Variants in ERG observed in about 807,000 individuals in gnomAD.
The protein encoded by ERG is transcriptional regulator ERG.
ERG carries 9 observed loss-of-function variants against 55.3 expected under a neutral mutation model. That is an observed-to-expected ratio of 0.16 (90% CI 0.10 to 0.28). The LOEUF (loss-of-function observed/expected upper bound fraction) is 0.28, where lower values mean the gene tolerates loss of function less well. Ranked by LOEUF, ERG falls within the 10% of genes least tolerant of loss-of-function variation. The pLI, the probability that ERG is intolerant of heterozygous loss-of-function variation, is 1.00. For missense variants in ERG, 434 were observed against 631.6 expected, an observed-to-expected ratio of 0.69 and a Z score of 3.35; for synonymous variants, 223 against 237.3, an observed-to-expected ratio of 0.94 and a Z score of 0.55.
At chr21:38,540,216 AT>A (rs1388701254) in intron 2 of ERG, among the ~76,000 whole-genome samples, 88 of 152,264 alleles carry the variant, frequency 5.8e-4, no homozygotes, top group Admixed American at 1.4e-3. Flanking sequence ...ATATTCAAAC[AT>A]ATTTGGTTTC....
At chr21:38,428,190 AC>A (rs1428596180) in intron 2 of ERG, among the ~76,000 whole-genome samples, 19 of 151,624 alleles carry the variant, frequency 1.3e-4, no homozygotes, top group African/African-American at 3.4e-4. Flanking sequence ...CAAAAAAAAA[AC>A]AAAAGAGAGA....
intron 1 of ERG, among the ~76,000 whole-genome samples, chr21:38,647,592 T>A (rs533851575): frequency 1.3e-5 from 2 of 152,112 alleles, no homozygotes; most frequent in Non-Finnish European, 1.5e-5. Context: ...AGGAGGTTGG[T>A]CATGAAAAAA....
At chr21:38,450,104 A>G (rs954004279) in intron 1 of ERG, among the ~76,000 whole-genome samples, 1 of 151,642 alleles carries the variant, frequency 6.6e-6, no homozygotes, top group East Asian at 1.9e-4. Flanking sequence ...AAAAAAAAAA[A>G]TCTTGGTTCG....
intron 1 of ERG, among the ~76,000 whole-genome samples, chr21:38,472,803 GGCAA>G (rs1451998082): frequency 6.6e-6 from 1 of 152,166 alleles, no homozygotes; most frequent in Non-Finnish European, 1.5e-5. Context: ...GCTGCACGTG[GGCAA>G]TTCGTGCGCT....
intron 2 of ERG, among the ~76,000 whole-genome samples, chr21:38,538,048 G>A (rs564990154): frequency 1.6e-4 from 25 of 152,214 alleles, no homozygotes; most frequent in South Asian, 6.2e-4. Flanking sequence ...TTTATCTTAC[G>A]CTAAGAGAAA....
intron 2 of ERG, among the ~76,000 whole-genome samples, chr21:38,555,527 G>C (rs796802049): frequency 2.6e-5 from 4 of 152,044 alleles, no homozygotes; most frequent in African/African-American, 9.6e-5. Flanking sequence ...CATAAAGGAT[G>C]TAACTTATAT....
chr21:38,656,089 T>A (rs2060517179), intron 1 of ERG, among the ~76,000 whole-genome samples: 1 of 151,388 alleles, frequency 6.6e-6, no homozygotes, highest in South Asian at 2.1e-4. Flanking sequence ...CAGGCAAGGG[T>A]CTGTGGAAGA....
At chr21:38,438,562 C>A (rs545848901) in intron 2 of ERG, among the ~76,000 whole-genome samples, 2 of 152,330 alleles carry the variant, frequency 1.3e-5, no homozygotes, top group South Asian at 4.1e-4. Context: ...ATCCTGCTAT[C>A]TGACCCGAGG....
intron 9 of ERG, among the ~76,000 whole-genome samples, chr21:38,387,133 G>A (rs1987727889): frequency 6.6e-6 from 1 of 152,218 alleles, no homozygotes; most frequent in Non-Finnish European, 1.5e-5. Context: ...TGCAGAGTGA[G>A]TCAGCAGCTG....
At chr21:38,650,191 CTT>C (rs1416897763) in intron 1 of ERG, among the ~76,000 whole-genome samples, 1 of 152,184 alleles carries the variant, frequency 6.6e-6, no homozygotes, top group Non-Finnish European at 1.5e-5. Context: ...TGAAAACAAA[CTT>C]ATCTACAAAG....
intron 1 of ERG, among the ~76,000 whole-genome samples, chr21:38,612,035 G>A (rs770549087): frequency 6.6e-6 from 1 of 152,184 alleles, no homozygotes; most frequent in Non-Finnish European, 1.5e-5. Context: ...TCTCAAGTCA[G>A]TTATATGTGC....
intron 6 of ERG, among the ~76,000 whole-genome samples, chr21:38,394,888 C>T (rs1988135848): frequency 6.6e-6 from 1 of 152,062 alleles, no homozygotes; most frequent in Admixed American, 6.6e-5. Flanking sequence ...GTAGGTTAGT[C>T]AGATACTACC....
intron 1 of ERG, among the ~76,000 whole-genome samples, chr21:38,463,180 T>C (rs2146600815): frequency 6.6e-6 from 1 of 152,350 alleles, no homozygotes; most frequent in Admixed American, 6.5e-5. Context: ...ACTTGGACAC[T>C]GAAAGGTCCT....
intron 9 of ERG, among the ~76,000 whole-genome samples, 183 bp from the exon 10 acceptor site, chr21:38,384,106 C>T (rs1253119292): frequency 6.6e-6 from 1 of 152,228 alleles, no homozygotes. Flanking sequence ...ACCCACTTCT[C>T]CAGAGAACTG....
chr21:38,404,953 C>T (rs960270961), intron 3 of ERG, among the ~76,000 whole-genome samples: 5 of 152,162 alleles, frequency 3.3e-5, no homozygotes, highest in African/African-American at 1.2e-4. Flanking sequence ...AAACAGCCAG[C>T]CAGTCATACA....
rs1987358749 is a variant in ERG, at chr21:38,380,144, TTC to T, written c.*3257_*3258del. The T allele has an allele frequency of 9.6e-7, 1 of 1,038,600 alleles. No homozygotes were observed. The highest frequency in any genetic ancestry group is 4.6e-5 in the South Asian group (1 of 21,748). The allele number at this position is 1,038,600 out of a possible 1,614,324, so 64.3% of individuals were successfully genotyped here. ...AACTAGCTTTTTAAAAAATATTTTCTTCTCTTTCTCCAGGCAATGGGTCACTT... is the reference window on the plus strand; with the variant it reads ...AACTAGCTTTTTAAAAAATATTTTCTTCTTTCTCCAGGCAATGGGTCACTT... On this transcript the variant is annotated 3_prime_UTR_variant, in exon 10 of 10. Coordinates refer to ENST00000288319, the MANE Select transcript of ERG (RefSeq NM_182918.4).
rs1017025668 is a variant in ERG at position 38,381,635 on chromosome 21, C to A, written c.*1768G>T. On this transcript the variant is annotated 3_prime_UTR_variant, in exon 10 of 10. Coordinates refer to ENST00000288319, the MANE Select transcript of ERG (RefSeq NM_182918.4). ...GCCAGTAATAATACAGTTTGCCTTACGAGTGGTAGCTTGTTCACTGTTCAA... is the reference window on the plus strand; with the variant it reads ...GCCAGTAATAATACAGTTTGCCTTAAGAGTGGTAGCTTGTTCACTGTTCAA... 2.8e-6 allele frequency: 3 copies of A among 1,062,994 alleles called. No homozygotes were observed. The highest frequency in any genetic ancestry group is 2.3e-6 in the Non-Finnish European group (2 of 877,998). The allele number at this position is 1,062,994 out of a possible 1,614,324, so 65.8% of individuals were successfully genotyped here.
chr21:38,427,925 G>A (rs111688773), intron 2 of ERG, among the ~76,000 whole-genome samples: 7,491 of 152,214 alleles, frequency 0.049, 600 homozygotes, highest in African/African-American at 0.17. Flanking sequence ...AGTGGCTCAC[G>A]CATATAATCC....
rs142153030 is a variant in ERG at position 38,395,732 on chromosome 21, G to A, written c.746-3288C>T. ...ACCACTACACACCAGCAACTGTGTC[G>A]ATTTCCTGGGAGCTGGGATCAGCTT... On this transcript the variant is annotated intron_variant, in intron 6 of 9. Transcript: ENST00000288319. 5.8e-4 allele frequency among the ~76,000 whole-genome samples: 89 copies of A among 152,258 alleles called. No homozygotes were observed. The South Asian group carries it at 0.013, about 22-fold the overall frequency.
Sources: allele counts gnomAD v4.1 joint callset (sites outside exome capture counted in the v4.1 genomes callset), GRCh38; gene constraint gnomAD v4.1.1; transcripts MANE v1.5; gene names NCBI Gene and HGNC (gene_info 2026-07-23, HGNC 2026-07-21).